SPG11: variants seen among roughly 807,000 people sequenced by gnomAD.
SPG11 encodes the protein spatacsin.
A neutral mutation model predicts 274.0 loss-of-function variants in SPG11; 222 were observed. That is an observed-to-expected ratio of 0.81 (90% confidence interval 0.73 to 0.91). The LOEUF is 0.91. Among genes scored for constraint, SPG11 ranks in the 40% least tolerant of loss-of-function variants. SPG11 has a pLI of 0.00. For missense variants in SPG11, 3,114 were observed against 2,872.7 expected, an observed-to-expected ratio of 1.08 and a Z score of -1.92; for synonymous variants, 1,144 against 1,039.7, an observed-to-expected ratio of 1.10 and a Z score of -1.93.
chr15:44,620,368 A>G lies in SPG11; in HGVS notation c.2656T>C (p.Tyr886His), dbSNP rs139687202. ...KSYSPEALWR[Y>H]LTARHDWLNI... ...AACCAATCATGGCGAGCTGTGAGGT[A>G]TCTCCAGAGGGCTTCAGGGGAATAT... The change falls in exon 15 of 40, where the codon TAC (tyrosine) becomes CAC (histidine). Residue 886 changes from tyrosine (Y) to histidine (H), a missense_variant. Tyr to His is a moderately conservative substitution (Grantham distance 83). Transcript: ENST00000261866. 9.4e-4 allele frequency: 1,522 copies of G among 1,614,120 alleles called. 11 individuals are homozygous for G. The African/African-American group carries it at 0.013, about 13-fold the overall frequency.
At chr15:44,606,273 A>T (rs745402435) in intron 19 of SPG11, 182 bp from the exon 20 acceptor site, 35 of 557,876 alleles carry the variant, frequency 6.3e-5, no homozygotes, top group Non-Finnish European at 9.6e-5. Context: ...ACATATCTTT[A>T]TATCTTAATT....
At chr15:44,634,561 G>A (rs1050407726) in intron 7 of SPG11, among the ~76,000 whole-genome samples, 2 of 151,936 alleles carry the variant, frequency 1.3e-5, no homozygotes, top group African/African-American at 4.8e-5. Context: ...TGGGATTACA[G>A]GCATGAGCCA....
chr15:44,616,207 CTT>C (rs534285308), intron 15 of SPG11, among the ~76,000 whole-genome samples: 9 of 138,142 alleles, frequency 6.5e-5, no homozygotes, highest in African/African-American at 1.1e-4. Flanking sequence ...CATTCCCATA[CTT>C]TTTTTTTTTT....
intron 7 of SPG11, among the ~76,000 whole-genome samples, chr15:44,647,609 T>C (rs1266621918): frequency 6.6e-6 from 1 of 152,220 alleles, no homozygotes; most frequent in Non-Finnish European, 1.5e-5. Flanking sequence ...TGTAGTGACA[T>C]GCTACAACAT....
At chr15:44,570,775 G>A (rs1233974915) in intron 33 of SPG11, 117 bp from the exon 34 acceptor site, 32 of 1,339,004 alleles carry the variant, frequency 2.4e-5, no homozygotes, top group South Asian at 1.7e-4. Context: ...GGAGAGGGCC[G>A]TCCCATCAGC....
chr15:44,567,245 G>A (rs2082328624), intron 36 of SPG11, 179 bp downstream of exon 36: 2 of 584,482 alleles, frequency 3.4e-6, no homozygotes, highest in Middle Eastern at 4.8e-4. Context: ...CAGCTACTTG[G>A]GAGGCTGAGG....
Position 44,563,297 on chromosome 15 carries a change from T to C in SPG11, c.7156A>G (p.Lys2386Glu), listed in dbSNP as rs1391196943. The change falls in exon 40 of 40, where the codon AAA (lysine) becomes GAA (glutamate). Residue 2386 changes from lysine to glutamate, a missense_variant. Physicochemically the swap from Lys to Glu is moderately conservative, Grantham distance 56. Coordinates refer to ENST00000261866, the MANE Select transcript of SPG11 (RefSeq NM_025137.4). ...SIFEEISKKY[K>E]QHQPTDMVME... Reference sequence around the variant, plus strand: ...ACCATGTCAGTAGGCTGATGTTGTTTATATCTAGATAAAGAAACATAATGT... The same window carrying C: ...ACCATGTCAGTAGGCTGATGTTGTTCATATCTAGATAAAGAAACATAATGT... 1 of 1,612,338 alleles carries C rather than the reference T, an allele frequency of 6.2e-7. No individual in the cohort carries two copies. The highest frequency in any genetic ancestry group is 1.7e-5 in the Admixed American group (1 of 60,018).
chr15:44,638,484 C>CA (rs896697220), intron 7 of SPG11, among the ~76,000 whole-genome samples: 22 of 135,706 alleles, frequency 1.6e-4, no homozygotes, highest in African/African-American at 4.3e-4. Flanking sequence ...AAACAAACAA[C>CA]AAAAAAAACC....
At chr15:44,589,897 C>T (rs1287388022) in intron 27 of SPG11, among the ~76,000 whole-genome samples, 2 of 152,206 alleles carry the variant, frequency 1.3e-5, no homozygotes, top group Non-Finnish European at 2.9e-5. Context: ...CCTCTGCCTC[C>T]CGGCTTCAAG....
intron 7 of SPG11, among the ~76,000 whole-genome samples, chr15:44,642,778 G>A (rs2084492366): frequency 6.6e-6 from 1 of 152,050 alleles, no homozygotes; most frequent in African/African-American, 2.4e-5. Flanking sequence ...GCTGAGGCAG[G>A]AGGATCACTT....
At chr15:44,581,333 A>G (rs2082654880) in intron 30 of SPG11, among the ~76,000 whole-genome samples, 1 of 152,074 alleles carries the variant, frequency 6.6e-6, no homozygotes, top group Non-Finnish European at 1.5e-5. Flanking sequence ...TAGCCCCTCA[A>G]GTAGCTGGGA....
At position 44,566,026 on chromosome 15, in the gene SPG11, G is replaced by A; in HGVS notation, c.6844-17C>T. ...ACAGGAGTCCTGAGGAACAAGGGTG[G>A]AGAGGCACAGTAGAGAAAGACCTAG... On this transcript the variant is annotated splice_polypyrimidine_tract_variant and intron_variant, in intron 37 of 39. Coordinates refer to ENST00000261866, the MANE Select transcript of SPG11 (RefSeq NM_025137.4). 6.2e-7 allele frequency: 1 copy of A among 1,613,270 alleles called. No homozygotes were observed.
chr15:44,608,084 A>C (rs1191387299), intron 19 of SPG11, among the ~76,000 whole-genome samples: 1 of 152,124 alleles, frequency 6.6e-6, no homozygotes, highest in African/African-American at 2.4e-5. Context: ...GAAGAAGCCA[A>C]GATATTCTCC....
intron 21 of SPG11, 106 bp downstream of exon 21, chr15:44,600,361 T>C (rs1297554209): frequency 3.1e-6 from 4 of 1,272,316 alleles, no homozygotes; most frequent in Non-Finnish European, 4.6e-6. Flanking sequence ...CATAGCTCAC[T>C]GCTTCCTTGA....
chr15:44,660,502 T>C lies in SPG11; in HGVS notation c.372A>G (p.Arg124=), dbSNP rs1387802773. ...LIYEFNLKDG[R]CDATILYSCS... is the part of the protein sequence containing the mutation. ...AGCTATACAAAATGGTTGCATCACA[T>C]CTTCCATCTTTCAAATTAAATTCAT... Residue 124 remains arginine, a synonymous_variant, in exon 2 of 40, where the codon AGA becomes AGG. Transcript: ENST00000261866. 1.2e-6 allele frequency: 2 copies of C among 1,614,158 alleles called. No homozygotes were observed. Among genetic ancestry groups the C allele is most frequent in the Non-Finnish European group, 8.5e-7 (1 of 1,179,992 alleles).
Position 44,584,279 on chromosome 15 carries a change from T to TC in SPG11, c.5400dup (p.Ile1801AspfsTer29), listed in dbSNP as rs776483968. On this transcript the variant is annotated frameshift_variant, in exon 30 of 40. Transcript: ENST00000261866. LOFTEE classifies it high-confidence loss of function. ...TGCTGGGTGATGCGGCACAGCCAGA[T>TC]CTGCTTCTCCAGCTCCTCCAGCTTA... The TC allele has an allele frequency of 8.1e-6, 13 of 1,613,534 alleles. No individual in the cohort carries two copies. The South Asian group carries it at 1.4e-4, about 18-fold the overall frequency.
intron 9 of SPG11, 44 bp downstream of exon 9, chr15:44,629,189 C>CACAG: frequency 6.9e-6 from 11 of 1,599,674 alleles, no homozygotes; most frequent in Non-Finnish European, 8.6e-6. Flanking sequence ...TCTGTTCTGA[C>CACAG]ACAGGAACAG....
chr15:44,586,151 A>C (rs2082760747), intron 28 of SPG11, among the ~76,000 whole-genome samples: 1 of 151,610 alleles, frequency 6.6e-6, no homozygotes, highest in Non-Finnish European at 1.5e-5. Flanking sequence ...CACCTGGCTA[A>C]TTTTTGTACT....
At position 44,573,678 on chromosome 15, in the gene SPG11, G is replaced by A; in HGVS notation, c.6074C>T (p.Ala2025Val). 6.2e-7 allele frequency: 1 copy of A among 1,614,212 alleles called. No individual in the cohort carries two copies. The part of the protein sequence containing the change: ...DGEAMLRKIL[A>V]SQQPDRCKRA... Reference sequence around the variant, plus strand: ...TTTGCATCGGTCAGGCTGCTGAGAGGCCAAGATTTTCCGGAGCATGGCTTC... The same window carrying A: ...TTTGCATCGGTCAGGCTGCTGAGAGACCAAGATTTTCCGGAGCATGGCTTC... The change falls in exon 32 of 40, where the codon GCC becomes GTC. Residue 2025 changes from alanine (A) to valine (V), a missense_variant. Physicochemically the swap from Ala to Val is moderately conservative, Grantham distance 64. Transcript: ENST00000261866.
Sources: allele counts gnomAD v4.1 joint callset (sites outside exome capture counted in the v4.1 genomes callset), GRCh38; gene constraint gnomAD v4.1.1; transcripts MANE v1.5; gene names NCBI Gene and HGNC (gene_info 2026-07-23, HGNC 2026-07-21).